CCDC110: variants seen among roughly 807,000 people sequenced by gnomAD.
CCDC110 encodes coiled-coil domain-containing protein 110.
CCDC110 carries 70 observed loss-of-function variants against 77.1 expected under a neutral mutation model. The observed-to-expected ratio is 0.91, with a 90% CI of 0.75 to 1.11. CCDC110 has a LOEUF of 1.11. Among genes scored for constraint, CCDC110 ranks in the 50% least tolerant of loss-of-function variants. The pLI, the probability that CCDC110 is intolerant of heterozygous loss-of-function variation, is 0.00. For missense variants in CCDC110, 868 were observed against 942.9 expected (o/e 0.92, Z 1.04); for synonymous variants, 295 against 312.5 (o/e 0.94, Z 0.59).
Position 185,471,056 on chromosome 4 carries a change from CAG to C in CCDC110, c.11-9_11-8del, listed in dbSNP as rs1561173478. 1 of 1,531,032 alleles carries C rather than the reference CAG, an allele frequency of 6.5e-7. No homozygotes were observed. Among genetic ancestry groups the C allele is most frequent in the East Asian group, 2.4e-5 (1 of 41,974 alleles). 94.8% of individuals were successfully genotyped at this position (1,531,032 alleles called of 1,614,324 possible). A position where few individuals can be genotyped will look rare whatever the true frequency, so the allele number is the denominator to read the frequency against. Reference sequence around the variant, plus strand: ...TCTTCCCGGTGCTGCTTTTCTGTAACAGAACCGTCCGGGGCTGTTCTGTCGCG... The same window carrying C: ...TCTTCCCGGTGCTGCTTTTCTGTAACAACCGTCCGGGGCTGTTCTGTCGCG... On this transcript the variant is annotated splice_polypyrimidine_tract_variant and splice_region_variant and intron_variant, in intron 1 of 6. Transcript: ENST00000307588.
At chr4:185,467,342 T>C (rs2095658117) in intron 2 of CCDC110, among the ~76,000 whole-genome samples, 1 of 152,216 alleles carries the variant, frequency 6.6e-6, no homozygotes, top group South Asian at 2.1e-4. Flanking sequence ...CGGCTGCTAC[T>C]TATTCCCAAA....
intron 2 of CCDC110, among the ~76,000 whole-genome samples, chr4:185,466,291 T>C (rs1456600768): frequency 1.3e-5 from 2 of 151,862 alleles, no homozygotes; most frequent in Non-Finnish European, 2.9e-5. Context: ...AGGAGAATCG[T>C]TTGAACGTGG....
Position 185,445,367 on chromosome 4 carries a change from G to T in CCDC110, c.*135C>A, listed in dbSNP as rs137891618. On this transcript the variant is annotated 3_prime_UTR_variant, in exon 7 of 7. Transcript: ENST00000307588. ...AGTTATCTGCACCAAACCATTCTGT[G>T]CATAATTTTTAAAGCAAATATATAG... 76 of 777,726 alleles carry T rather than the reference G, an allele frequency of 9.8e-5. No homozygotes were observed. In the Middle Eastern group the frequency reaches 1.2e-3, roughly 12 times the overall value. The allele number at this position is 777,726 out of a possible 1,614,324, so 48.2% of individuals were successfully genotyped here.
intron 6 of CCDC110, among the ~76,000 whole-genome samples, chr4:185,456,635 C>T (rs1041518610): frequency 1.3e-5 from 2 of 152,116 alleles, no homozygotes; most frequent in Non-Finnish European, 2.9e-5. Context: ...TGTGACAATA[C>T]ATTTGAGAAC....
At chr4:185,454,629 AC>A (rs2095633621) in intron 6 of CCDC110, among the ~76,000 whole-genome samples, 1 of 151,998 alleles carries the variant, frequency 6.6e-6, no homozygotes, top group South Asian at 2.1e-4. Flanking sequence ...CAGGAGAATC[AC>A]TTGAACCTGG....
At chr4:185,464,272 C>T (rs560652435) in intron 2 of CCDC110, among the ~76,000 whole-genome samples, 2 of 152,320 alleles carry the variant, frequency 1.3e-5, no homozygotes, top group East Asian at 3.9e-4. Context: ...GGCACCCCTT[C>T]TGCTCTCTGA....
Position 185,458,581 on chromosome 4 carries a change from T to TC in CCDC110, c.2005_2006insG (p.Gln669ArgfsTer23). Reference sequence around the variant, plus strand: ...CAGAAAATTCTCTTCGGCAGTAGATTGGTAGGTTTGAATATTCTCAATTTC... The same window carrying TC: ...CAGAAAATTCTCTTCGGCAGTAGATTCGGTAGGTTTGAATATTCTCAATTTC... On this transcript the variant is annotated frameshift_variant, in exon 6 of 7. Coordinates refer to ENST00000307588, the MANE Select transcript of CCDC110 (RefSeq NM_152775.4). LOFTEE classifies it high-confidence loss of function. 6.2e-7 allele frequency: 1 copy of TC among 1,608,038 alleles called. No homozygotes were observed. The highest frequency in any genetic ancestry group is 2.2e-5 in the East Asian group (1 of 44,728).
intron 6 of CCDC110, among the ~76,000 whole-genome samples, chr4:185,446,060 C>T (rs372834216): frequency 1.3e-5 from 2 of 151,986 alleles, no homozygotes; most frequent in Non-Finnish European, 2.9e-5. Context: ...AGGCTGGTCT[C>T]GAACTCCCGA....
chr4:185,457,790 CA>C, intron 6 of CCDC110: 1 of 1,424,514 alleles, frequency 7.0e-7, no homozygotes, highest in Admixed American at 2.6e-5. Context: ...TGGATGGAAG[CA>C]AATGATACAG....
At chr4:185,457,439 A>G (rs2095637544) in intron 6 of CCDC110, 2 of 355,046 alleles carry the variant, frequency 5.6e-6, no homozygotes, top group South Asian at 5.0e-5. Flanking sequence ...TGCCTGTAGA[A>G]ACTGGGGCTT....
chr4:185,460,270 T>C (rs2095643721), intron 5 of CCDC110, 32 bp from the exon 6 acceptor site: 6 of 1,488,290 alleles, frequency 4.0e-6, no homozygotes, highest in Admixed American at 2.0e-5. Context: ...TATAAATGTA[T>C]TGTCATTTGC....
intron 6 of CCDC110, among the ~76,000 whole-genome samples, chr4:185,446,448 A>T (rs2095611649): frequency 6.6e-6 from 1 of 152,126 alleles, no homozygotes; most frequent in Admixed American, 6.6e-5. Flanking sequence ...TGGTCCCTGG[A>T]TACCTAACAA....
At chr4:185,465,686 T>G (rs1016205096) in intron 2 of CCDC110, among the ~76,000 whole-genome samples, 1 of 152,106 alleles carries the variant, frequency 6.6e-6, no homozygotes, top group African/African-American at 2.4e-5. Context: ...TACATGATAA[T>G]AGAGTATGGG....
intron 2 of CCDC110, among the ~76,000 whole-genome samples, chr4:185,470,351 CA>C (rs33951230): frequency 0.33 from 50,178 of 152,022 alleles, 11,208 homozygotes; most frequent in African/African-American, 0.64. Context: ...TACTTTAAAT[CA>C]TCTCTCGATT....
chr4:185,461,208 T>G (rs761481427), intron 4 of CCDC110, 49 bp from the exon 5 acceptor site: 1 of 946,180 alleles, frequency 1.1e-6, no homozygotes, highest in Non-Finnish European at 1.7e-6. Flanking sequence ...TGTAAACTTA[T>G]GAATGTACAG....
chr4:185,467,169 GAGAGTGCATTTT>G (rs2095657771), intron 2 of CCDC110, among the ~76,000 whole-genome samples: 1 of 152,188 alleles, frequency 6.6e-6, no homozygotes, highest in African/African-American at 2.4e-5. Context: ...CAATAGCATT[GAGAGTGCATTTT>G]AGATTCATGG....
chr4:185,470,040 A>G (rs1472192186), intron 2 of CCDC110, among the ~76,000 whole-genome samples: 20 of 151,592 alleles, frequency 1.3e-4, no homozygotes, highest in Admixed American at 1.3e-3. Context: ...GTCGCCTGGG[A>G]CTCCACCTTC....
chr4:185,461,769 C>G (rs536647710), intron 4 of CCDC110, among the ~76,000 whole-genome samples: 1 of 152,308 alleles, frequency 6.6e-6, no homozygotes, highest in African/African-American at 2.4e-5. Context: ...CGGGATCCAT[C>G]TGAATCAGGC....
chr4:185,448,084 G>C (rs1014944173), intron 6 of CCDC110, among the ~76,000 whole-genome samples: 3 of 150,984 alleles, frequency 2.0e-5, no homozygotes, highest in African/African-American at 4.9e-5. Context: ...GCAAAGGTGT[G>C]ATCTCGGCTC....
Sources: gnomAD v4.1 joint callset for allele counts (sites outside exome capture counted in the v4.1 genomes callset) on GRCh38, gnomAD v4.1.1 for gene constraint, MANE v1.5 for transcripts, NCBI Gene and HGNC (gene_info 2026-07-23, HGNC 2026-07-21) for gene names.